Variants in ANKRD28 observed in about 807,000 individuals in gnomAD.
The protein encoded by ANKRD28 is ankyrin repeat domain 28, also known as serine/threonine-protein phosphatase 6 regulatory ankyrin repeat subunit A.
ANKRD28 carries 44 observed loss-of-function variants against 126.5 expected under a neutral mutation model. The observed-to-expected ratio is 0.35, with a 90% CI of 0.27 to 0.45. The LOEUF (loss-of-function observed/expected upper bound fraction) is 0.45, where lower values mean the gene tolerates loss of function less well. Among genes scored for constraint, ANKRD28 ranks in the 20% least tolerant of loss-of-function variants. The pLI is 1.00. For missense variants in ANKRD28, 1,110 were observed against 1,316.6 expected (o/e 0.84, Z 2.43); for synonymous variants, 442 against 468.5 (o/e 0.94, Z 0.73).
intron 1 of ANKRD28, among the ~76,000 whole-genome samples, chr3:15,829,030 A>G (rs2061131544): frequency 6.6e-6 from 1 of 152,174 alleles, no homozygotes; most frequent in African/African-American, 2.4e-5. Context: ...CCAATATTAG[A>G]AGGCTGTTTT....
At chr3:15,823,955 G>C (rs1454012989) in intron 1 of ANKRD28, among the ~76,000 whole-genome samples, 1 of 152,122 alleles carries the variant, frequency 6.6e-6, no homozygotes, top group African/African-American at 2.4e-5. Context: ...TAATATCACA[G>C]TTAAGGGTGA....
intron 6 of ANKRD28, among the ~76,000 whole-genome samples, chr3:15,731,394 C>T (rs2074586206): frequency 6.6e-6 from 1 of 152,062 alleles, no homozygotes; most frequent in Admixed American, 6.6e-5. Context: ...GTAAGATGTA[C>T]AGTTTTACAT....
At chr3:15,856,672 A>G (rs2061774705) in intron 1 of ANKRD28, among the ~76,000 whole-genome samples, 1 of 152,240 alleles carries the variant, frequency 6.6e-6, no homozygotes, top group Non-Finnish European at 1.5e-5. Flanking sequence ...CCCCATAATT[A>G]GGTGGTGGCA....
intron 1 of ANKRD28, among the ~76,000 whole-genome samples, chr3:15,841,737 C>T (rs764891495): frequency 6.6e-6 from 1 of 152,152 alleles, no homozygotes; most frequent in Non-Finnish European, 1.5e-5. Flanking sequence ...AATCATCTCA[C>T]CGCAGTTAAA....
intron 21 of ANKRD28, among the ~76,000 whole-genome samples, chr3:15,682,034 G>A (rs2067600133): frequency 6.6e-6 from 1 of 151,984 alleles, no homozygotes; most frequent in Non-Finnish European, 1.5e-5. Flanking sequence ...TCATTCTCCA[G>A]GTATATGGGT....
At chr3:15,673,455 C>G (rs191795660) in intron 27 of ANKRD28, among the ~76,000 whole-genome samples, 4 of 152,170 alleles carry the variant, frequency 2.6e-5, no homozygotes, top group African/African-American at 9.7e-5. Context: ...ATGCAACTGA[C>G]AAAGATTTCA....
intron 17 of ANKRD28, among the ~76,000 whole-genome samples, chr3:15,692,976 T>C (rs1480568137): frequency 1.3e-5 from 2 of 152,126 alleles, no homozygotes; most frequent in Non-Finnish European, 2.9e-5. Flanking sequence ...TGAAACCTGC[T>C]AGATGAAATA....
intron 3 of ANKRD28, among the ~76,000 whole-genome samples, chr3:15,754,801 A>C (rs2058066794): frequency 6.6e-6 from 1 of 152,194 alleles, no homozygotes; most frequent in Non-Finnish European, 1.5e-5. Flanking sequence ...GTAGTAATGC[A>C]ACTTTATATT....
rs374258954 is a variant in ANKRD28 at position 15,764,533 on chromosome 3, TA to T, written c.280+1700del. 2.4e-3 allele frequency among the ~76,000 whole-genome samples: 256 copies of T among 107,122 alleles called. 1 individual carries two copies. The Middle Eastern group carries it at 0.029, about 12-fold the overall frequency. The allele number at this position is 107,122 out of a possible 152,430, so 70.3% of individuals were successfully genotyped here. A position where few individuals can be genotyped will look rare whatever the true frequency, so the allele number is the denominator to read the frequency against. ...GAAAAGTTTCTCCTGGGTGTAAAAA[TA>T]AAAAATGAAAAAAAAAAACAAACCC... On this transcript the variant is annotated intron_variant, in intron 3 of 27. Coordinates refer to ENST00000683139, the MANE Select transcript of ANKRD28 (RefSeq NM_001349278.2).
intron 14 of ANKRD28, among the ~76,000 whole-genome samples, chr3:15,697,693 G>T (rs796941601): frequency 2.0e-5 from 3 of 152,258 alleles, no homozygotes; most frequent in African/African-American, 7.2e-5. Flanking sequence ...GTTCATCAGG[G>T]ATATTGGCCT....
chr3:15,803,548 T>C (rs2060508704), intron 1 of ANKRD28, among the ~76,000 whole-genome samples: 1 of 145,736 alleles, frequency 6.9e-6, no homozygotes, highest in Non-Finnish European at 1.5e-5. Context: ...ACCTGGGAGG[T>C]GGAGGCTGTA....
intron 1 of ANKRD28, among the ~76,000 whole-genome samples, chr3:15,820,178 C>A (rs1303622745): frequency 6.6e-6 from 1 of 152,130 alleles, no homozygotes; most frequent in Non-Finnish European, 1.5e-5. Flanking sequence ...TTGTTATGCA[C>A]CCACTTGTGC....
At chr3:15,822,393 C>A (rs1483197845) in intron 1 of ANKRD28, among the ~76,000 whole-genome samples, 1 of 152,068 alleles carries the variant, frequency 6.6e-6, no homozygotes, top group African/African-American at 2.4e-5. Context: ...TGGACAAACA[C>A]AATGAAGAAC....
At chr3:15,683,315 C>G (rs1034076392) in intron 21 of ANKRD28, among the ~76,000 whole-genome samples, 3 of 152,104 alleles carry the variant, frequency 2.0e-5, no homozygotes, top group African/African-American at 7.2e-5. Context: ...TTTGGGTTTT[C>G]CTTATACTTG....
At position 15,735,438 on chromosome 3, in the gene ANKRD28, C is replaced by T. The variant is rs755759962; in HGVS notation, c.612G>A (p.Arg204=). Reference sequence around the variant, plus strand: ...TATATGCTGCCCAATGGATAGCACGCCTATCTTTCTTGTCAAAAGCATTAA... The same window carrying T: ...TATATGCTGCCCAATGGATAGCACGTCTATCTTTCTTGTCAAAAGCATTAA... ...ANINAFDKKD[R]RAIHWAAYMG... Residue 204 remains arginine, a synonymous_variant, in exon 6 of 28, where the codon AGG becomes AGA. Coordinates refer to ENST00000683139, the MANE Select transcript of ANKRD28 (RefSeq NM_001349278.2). 2.6e-6 allele frequency: 4 copies of T among 1,560,022 alleles called. No homozygotes were observed. The South Asian group carries it at 4.7e-5, about 18-fold the overall frequency.
rs371506480 is a variant in ANKRD28 at position 15,843,443 on chromosome 3, G to A, written c.27+15934C>T. ...ATCTGAGCATCAGAATCTTAATAGC[G>A]TCCATCCGGACACCAATATACAACA... On this transcript the variant is annotated intron_variant, in intron 1 of 27. Transcript: ENST00000399451. This position sits in a 1 kb window ranked among gnomAD's most constrained non-coding sequence, Gnocchi z 5.2. Among the ~76,000 whole-genome samples the A allele has an allele frequency of 3.9e-4, 59 of 152,172 alleles. No individual in the cohort carries two copies. The highest frequency in any genetic ancestry group is 1.4e-3 in the African/African-American group (58 of 41,518).
chr3:15,678,317 C>G lies in ANKRD28; in HGVS notation c.2599G>C (p.Glu867Gln), dbSNP rs778561547. Residue 867 changes from glutamate (E) to glutamine (Q), a missense_variant, in exon 24 of 28, where the codon GAG becomes CAG. Glu to Gln is a conservative substitution (Grantham distance 29). Coordinates refer to ENST00000683139, the MANE Select transcript of ANKRD28 (RefSeq NM_001349278.2). Reference sequence around the variant, plus strand: ...TGGCTGAGCAGCAGCTGTAAACACTCTACATGGTCTGTGAAGGCGGCTGCA... The same window carrying G: ...TGGCTGAGCAGCAGCTGTAAACACTGTACATGGTCTGTGAAGGCGGCTGCA... ...LHAAAFTDHV[E>Q]CLQLLLSHNA... 1 of 1,611,316 alleles carries G rather than the reference C, an allele frequency of 6.2e-7. No homozygotes were observed. The highest frequency in any genetic ancestry group is 1.1e-5 in the South Asian group (1 of 90,714).
chr3:15,849,593 C>G (rs762110149), intron 1 of ANKRD28, among the ~76,000 whole-genome samples: 1 of 152,134 alleles, frequency 6.6e-6, no homozygotes, highest in Non-Finnish European at 1.5e-5. Flanking sequence ...AGAAAAATAA[C>G]CCTTACTTCC....
At chr3:15,714,268 C>T (rs546508261) in intron 9 of ANKRD28, among the ~76,000 whole-genome samples, 2 of 152,000 alleles carry the variant, frequency 1.3e-5, no homozygotes, top group South Asian at 4.2e-4. Flanking sequence ...AGAGTACACA[C>T]ATTAATATAT....
Sources: allele counts gnomAD v4.1 joint callset (sites outside exome capture counted in the v4.1 genomes callset), GRCh38; gene constraint gnomAD v4.1.1; non-coding constraint Gnocchi (gnomAD v3.1); transcripts MANE v1.5; gene names NCBI Gene and HGNC (gene_info 2026-07-23, HGNC 2026-07-21).